The following PRKAR2A variants were observed in gnomAD, a reference collection of about 807,000 sequenced individuals.
The protein encoded by PRKAR2A is protein kinase cAMP-dependent type II regulatory subunit alpha.
PRKAR2A carries 29 observed loss-of-function variants against 51.9 expected under a neutral mutation model. That is an observed-to-expected ratio of 0.56 (90% CI 0.42 to 0.76). PRKAR2A has a LOEUF of 0.76. Among genes scored for constraint, PRKAR2A ranks in the 30% least tolerant of loss-of-function variants. The probability of loss-of-function intolerance (pLI) is 0.00; values close to 1 mark genes in which losing one functional copy is unlikely to be tolerated. For missense variants in PRKAR2A, 445 were observed against 512.1 expected, an observed-to-expected ratio of 0.87 and a Z score of 1.26; for synonymous variants, 178 against 186.2, an observed-to-expected ratio of 0.96 and a Z score of 0.36.
chr3:48,807,227 A>C (rs1184701407), intron 2 of PRKAR2A, among the ~76,000 whole-genome samples: 1 of 152,120 alleles, frequency 6.6e-6, no homozygotes, highest in South Asian at 2.1e-4. Flanking sequence ...CTCTCTACAA[A>C]ACAAGACAGA....
At chr3:48,752,439 G>A (rs958933093) in intron 9 of PRKAR2A, 122 bp from the exon 10 acceptor site, 13 of 1,065,310 alleles carry the variant, frequency 1.2e-5, no homozygotes, top group South Asian at 5.1e-5. Context: ...TCACTTTGCA[G>A]AAAATTCACT....
chr3:48,767,350 G>A (rs1160176063), intron 6 of PRKAR2A, among the ~76,000 whole-genome samples: 1 of 151,742 alleles, frequency 6.6e-6, no homozygotes, highest in Non-Finnish European at 1.5e-5. Context: ...ATGGTGGTGG[G>A]CGCCTGTAAT....
intron 1 of PRKAR2A, 145 bp from the exon 2 acceptor site, chr3:48,807,829 A>T: frequency 1.6e-6 from 1 of 618,256 alleles, no homozygotes; most frequent in South Asian, 2.3e-5. Flanking sequence ...ACACTCAATC[A>T]CAAATAGTTG....
intron 1 of PRKAR2A, among the ~76,000 whole-genome samples, chr3:48,839,397 AC>A (rs2107462044): frequency 6.6e-6 from 1 of 150,502 alleles, no homozygotes; most frequent in South Asian, 2.1e-4. Flanking sequence ...TAAAGCTGTT[AC>A]CTAAAAAAAA....
chr3:48,802,748 T>C (rs1448246390), intron 2 of PRKAR2A, among the ~76,000 whole-genome samples: 2 of 152,152 alleles, frequency 1.3e-5, no homozygotes, highest in African/African-American at 4.8e-5. Context: ...AAACAGCTAC[T>C]TCACGCGGTT....
intron 9 of PRKAR2A, among the ~76,000 whole-genome samples, chr3:48,755,780 CTTTTT>C (rs1160883747): frequency 2.2e-5 from 3 of 133,480 alleles, no homozygotes; most frequent in Non-Finnish European, 1.6e-5. Flanking sequence ...CCCCCATTTC[CTTTTT>C]TTTTTTTTTT....
At chr3:48,764,888 G>A in intron 8 of PRKAR2A, 116 bp downstream of exon 8, 1 of 842,324 alleles carries the variant, frequency 1.2e-6, no homozygotes, top group South Asian at 1.6e-5. Context: ...GCCTCCCGAA[G>A]TGTTGGGATT....
chr3:48,751,666 C>T lies in PRKAR2A; in HGVS notation c.1134G>A (p.Met378Ile), dbSNP rs762460955. ...CCTCATAGTGTGAGATGTTCCTCTT[C>T]ATGATGTCCATGCAGGGCCCCAGAA... is the stretch of plus-strand genomic sequence containing the variant. ...ERLLGPCMDI[M>I]KRNISHYEEQ... Residue 378 changes from methionine (M) to isoleucine (I), a missense_variant, in exon 11 of 11, where the codon ATG (methionine) becomes ATA (isoleucine). By Grantham distance (10) the Met-to-Ile change is conservative. Transcript: ENST00000265563. The T allele has an allele frequency of 6.2e-7, 1 of 1,614,082 alleles. No homozygotes were observed. Among genetic ancestry groups the T allele is most frequent in the South Asian group, 1.1e-5 (1 of 91,080 alleles).
downstream of PRKAR2A, among the ~76,000 whole-genome samples, chr3:48,745,527 GTTTTTTTTTTTTT>G (rs34668049): frequency 7.1e-5 from 5 of 70,422 alleles, no homozygotes; most frequent in South Asian, 7.1e-4. Flanking sequence ...TTTGGATAAG[GTTTTTTTTTTTTT>G]TTTTTTTTTT....
chr3:48,752,117 T>C (rs1027244343), intron 10 of PRKAR2A, 59 bp downstream of exon 10: 171 of 1,568,576 alleles, frequency 1.1e-4, no homozygotes, highest in Non-Finnish European at 1.4e-4. Flanking sequence ...GGCTTGCTGA[T>C]GGGAAAAAAA....
Position 48,783,082 on chromosome 3 carries a change from G to C in PRKAR2A, c.446C>G (p.Ser149Cys), listed in dbSNP as rs780071307. Residue 149 changes from serine to cysteine, a missense_variant, in exon 5 of 11, where the codon TCT (serine) becomes TGT (cysteine). By Grantham distance (112) the Ser-to-Cys change is moderately radical (BLOSUM62 -1). Coordinates refer to ENST00000265563, the MANE Select transcript of PRKAR2A (RefSeq NM_004157.4). ...LFKNLDQEQLSQVLDAMFERI... is the reference protein window; with the variant it reads ...LFKNLDQEQLCQVLDAMFERI... ...TTCAAACATGGCATCGAGAACTTGAGAAAGCTGTTCCTGCAGGGTATGCAC... is the reference window on the plus strand; with the variant it reads ...TTCAAACATGGCATCGAGAACTTGACAAAGCTGTTCCTGCAGGGTATGCAC... 9.9e-5 allele frequency: 160 copies of C among 1,612,112 alleles called. No individual in the cohort carries two copies. The highest frequency in any genetic ancestry group is 1.3e-4 in the Non-Finnish European group (158 of 1,179,070).
intron 1 of PRKAR2A, among the ~76,000 whole-genome samples, chr3:48,832,971 T>TTATG (rs1041798394): frequency 6.6e-6 from 1 of 152,176 alleles, no homozygotes; most frequent in African/African-American, 2.4e-5. Context: ...TGCCCACATA[T>TTATG]TATGAGTCTG....
intron 2 of PRKAR2A, among the ~76,000 whole-genome samples, chr3:48,806,458 C>G (rs1054308502): frequency 1.2e-4 from 18 of 151,944 alleles, no homozygotes; most frequent in African/African-American, 4.1e-4. Flanking sequence ...AAAAGGGGAG[C>G]CTTCTCAGGA....
chr3:48,846,345 T>C (rs1033531474), intron 1 of PRKAR2A, among the ~76,000 whole-genome samples: 1 of 151,826 alleles, frequency 6.6e-6, no homozygotes, highest in Non-Finnish European at 1.5e-5. Context: ...GCCTCCCAAG[T>C]AGCTGGGACT....
At chr3:48,763,639 T>G (rs1287536850) in intron 8 of PRKAR2A, among the ~76,000 whole-genome samples, 2 of 152,310 alleles carry the variant, frequency 1.3e-5, no homozygotes, top group South Asian at 4.1e-4. Context: ...TGGCCTTTGC[T>G]AATATTGTTT....
chr3:48,840,861 C>A (rs1256518294), intron 1 of PRKAR2A, among the ~76,000 whole-genome samples: 2 of 148,390 alleles, frequency 1.3e-5, no homozygotes, highest in Non-Finnish European at 3.0e-5. Flanking sequence ...CAGGCATGAG[C>A]CACAGGGCCT....
intron 5 of PRKAR2A, among the ~76,000 whole-genome samples, chr3:48,782,746 G>A (rs955052875): frequency 5.3e-5 from 8 of 152,182 alleles, no homozygotes; most frequent in African/African-American, 1.4e-4. Context: ...ATGAGCCACT[G>A]CGCCTGGCCT....
Position 48,845,946 on chromosome 3 carries a change from T to A in PRKAR2A, c.262+1389A>T, listed in dbSNP as rs559943284. The stretch of plus-strand genomic sequence containing the variant: ...GGGTGACAGAGCGAGATCCTGACTT[T>A]AAAAAAAAAAAAAGGTGTGATGATC... On this transcript the variant is annotated intron_variant, in intron 1 of 10. Transcript: ENST00000265563. Among the ~76,000 whole-genome samples, 11 of 143,132 alleles carry A rather than the reference T, an allele frequency of 7.7e-5. 1 individual carries two copies. The highest frequency in any genetic ancestry group is 4.9e-4 in the Admixed American group (7 of 14,294). The allele number at this position is 143,132 out of a possible 152,430, so 93.9% of individuals were successfully genotyped here.
At position 48,847,335 on chromosome 3, in the gene PRKAR2A, C is replaced by T; in HGVS notation, c.262G>A (p.Val88Ile). The change falls in exon 1 of 11, where the codon GTT becomes ATT. Residue 88 changes from valine (V) to isoleucine (I), a missense_variant and splice_region_variant. Transcript: ENST00000265563. This position sits in a 1 kb window ranked among gnomAD's most constrained non-coding sequence, Gnocchi z 4.4. The part of the protein sequence containing the change: ...SESEEDEDLE[V>I]PVPSRFNRRV... ...CCCCAGGGCCCCGCCCACAGCCTAC[C>T]TTCCAAGTCCTCGTCCTCCTCCGAC... The T allele has an allele frequency of 6.2e-7, 1 of 1,613,522 alleles. No individual in the cohort carries two copies. Among genetic ancestry groups the T allele is most frequent in the African/African-American group, 1.3e-5 (1 of 74,996 alleles).
Sources: allele counts gnomAD v4.1 joint callset (sites outside exome capture counted in the v4.1 genomes callset), GRCh38; gene constraint gnomAD v4.1.1; non-coding constraint Gnocchi (gnomAD v3.1); transcripts MANE v1.5; gene names NCBI Gene and HGNC (gene_info 2026-07-23, HGNC 2026-07-21).